AFAP1: variants seen among roughly 807,000 people sequenced by gnomAD.
AFAP1 encodes the protein actin filament-associated protein 1.
A neutral mutation model predicts 93.9 loss-of-function variants in AFAP1; 75 were observed. The observed-to-expected ratio is 0.80, with a 90% CI of 0.66 to 0.97. AFAP1 has a LOEUF of 0.97. AFAP1 is among the 50% of genes least tolerant of loss of function. The pLI is 0.00. For missense variants in AFAP1, 1,201 were observed against 1,050.8 expected (o/e 1.14, Z -1.98); for synonymous variants, 517 against 430.7 (o/e 1.20, Z -2.48).
chr4:7,913,723 C>T (rs1199991388), intron 1 of AFAP1, among the ~76,000 whole-genome samples: 1 of 152,130 alleles, frequency 6.6e-6, no homozygotes, highest in Non-Finnish European at 1.5e-5. Flanking sequence ...TAAAGCAAGC[C>T]TAAAGTTTTA....
In AFAP1 at chr4:7,778,855, CG is replaced by C; in HGVS notation, c.1803del (p.Val602TrpfsTer13). On this transcript the variant is annotated frameshift_variant, in exon 14 of 18. Coordinates refer to ENST00000420658, the MANE Select transcript of AFAP1 (RefSeq NM_001134647.2). LOFTEE classifies it high-confidence loss of function. ...TTTCCTGTGACCCCATTAGACGCCA[CG>C]GGGGGCTTTTTACCCTTGAGCTGTT... ...LNSQLKGKKP[P>X]VASNGVTGKG... is the part of the protein sequence containing the mutation. 1 of 1,613,544 alleles carries C rather than the reference CG, an allele frequency of 6.2e-7. No homozygotes were observed. Among genetic ancestry groups the C allele is most frequent in the Non-Finnish European group, 8.5e-7 (1 of 1,179,658 alleles).
At chr4:7,824,447 ACAGT>A (rs1357727179) in intron 6 of AFAP1, among the ~76,000 whole-genome samples, 12 of 152,098 alleles carry the variant, frequency 7.9e-5, no homozygotes, top group African/African-American at 2.9e-4. Flanking sequence ...ACACACAGAG[ACAGT>A]CAGTTAATTC....
intron 3 of AFAP1, among the ~76,000 whole-genome samples, chr4:7,867,106 T>C (rs552053246): frequency 1.4e-4 from 4 of 28,070 alleles, no homozygotes; most frequent in East Asian, 1.6e-3. Flanking sequence ...GAGAGGGGAG[T>C]AGAGGGGAGG....
chr4:7,790,731 A>G (rs16841268), intron 11 of AFAP1, among the ~76,000 whole-genome samples: 17,461 of 151,808 alleles, frequency 0.12, 1,226 homozygotes, highest in East Asian at 0.28. Flanking sequence ...TAATTTACCT[A>G]TATTTTGCTG....
intron 11 of AFAP1, among the ~76,000 whole-genome samples, chr4:7,792,972 A>G (rs947572885): frequency 6.6e-6 from 1 of 152,228 alleles, no homozygotes; most frequent in African/African-American, 2.4e-5. Flanking sequence ...ATGTCCCAAC[A>G]GTGGAAAAAG....
intron 1 of AFAP1, among the ~76,000 whole-genome samples, chr4:7,936,542 T>C (rs973135011): frequency 2.0e-5 from 3 of 151,358 alleles, no homozygotes; most frequent in African/African-American, 7.3e-5. Flanking sequence ...AGCTCCTCTA[T>C]AGGTCATTCA....
chr4:7,805,590 A>G lies in AFAP1; in HGVS notation c.1054+4024T>C, dbSNP rs151027195. On this transcript the variant is annotated intron_variant, in intron 9 of 17. Coordinates refer to ENST00000420658, the MANE Select transcript of AFAP1 (RefSeq NM_001134647.2). ...TTCATGTATTTTATCCTCAGTTTTT[A>G]TGAAAACAAAGGAATTGAAGTATTG... Among the ~76,000 whole-genome samples, 13 of 152,372 alleles carry G rather than the reference A, an allele frequency of 8.5e-5. No homozygotes were observed. In the South Asian group the frequency reaches 2.5e-3, roughly 29 times the overall value.
intron 4 of AFAP1, among the ~76,000 whole-genome samples, chr4:7,844,374 C>T (rs1436790644): frequency 6.6e-6 from 1 of 152,134 alleles, no homozygotes; most frequent in East Asian, 1.9e-4. Flanking sequence ...CTCGCCAGAA[C>T]CCAACCGTGC....
intron 3 of AFAP1, among the ~76,000 whole-genome samples, chr4:7,866,008 T>C (rs1013328730): frequency 1.3e-5 from 2 of 152,184 alleles, no homozygotes; most frequent in African/African-American, 4.8e-5. Flanking sequence ...GCGATTCTCC[T>C]GCCTCAGCCT....
At chr4:7,897,690 G>C (rs887852665) in intron 1 of AFAP1, among the ~76,000 whole-genome samples, 3 of 151,890 alleles carry the variant, frequency 2.0e-5, no homozygotes, top group Non-Finnish European at 2.9e-5. Flanking sequence ...CATCTGACTA[G>C]TTTTTGTATT....
chr4:7,870,247 T>G lies in AFAP1; in HGVS notation c.128-1528A>C, dbSNP rs960612497. ...GGCAGTTTAACTTTGAAGTTCATAC[T>G]CATAACCACCTATGATAAAGGGCCT... On this transcript the variant is annotated intron_variant, in intron 2 of 17. Coordinates refer to ENST00000420658, the MANE Select transcript of AFAP1 (RefSeq NM_001134647.2). Among the ~76,000 whole-genome samples, 3 of 152,194 alleles carry G rather than the reference T, an allele frequency of 2.0e-5. 1 individual carries two copies. Among genetic ancestry groups the G allele is most frequent in the Non-Finnish European group, 2.9e-5 (2 of 68,044 alleles).
intron 7 of AFAP1, among the ~76,000 whole-genome samples, chr4:7,816,983 C>G (rs1466815505): frequency 1.3e-5 from 2 of 152,220 alleles, no homozygotes; most frequent in Non-Finnish European, 2.9e-5. Flanking sequence ...ACACCAGGAA[C>G]AGCTGGGGGA....
At chr4:7,832,731 A>C (rs1436249412) in intron 6 of AFAP1, among the ~76,000 whole-genome samples, 3 of 151,986 alleles carry the variant, frequency 2.0e-5, no homozygotes, top group East Asian at 3.9e-4. Flanking sequence ...CAAACAAAGG[A>C]AGGCATCACA....
At chr4:7,910,217 C>G (rs1719649942) in intron 1 of AFAP1, among the ~76,000 whole-genome samples, 1 of 152,186 alleles carries the variant, frequency 6.6e-6, no homozygotes, top group South Asian at 2.1e-4. Context: ...TTCACATCCA[C>G]TGTCCTAACA....
In AFAP1 at chr4:7,759,466, T is replaced by C. The variant is rs1463798187; in HGVS notation, c.*4299A>G. ...ATAGAGGTGACTGCTTTTTCTGCAG[T>C]GCTGTGCCACGTATTTACGGCAGGA... On this transcript the variant is annotated 3_prime_UTR_variant, in exon 18 of 18. Transcript: ENST00000420658. 1 of 152,674 alleles carries C rather than the reference T, an allele frequency of 6.5e-6. No homozygotes were observed. Among genetic ancestry groups the C allele is most frequent in the Non-Finnish European group, 1.5e-5 (1 of 68,050 alleles). 9.5% of individuals were successfully genotyped at this position (152,674 alleles called of 1,614,324 possible).
At chr4:7,868,752 T>C in intron 2 of AFAP1, 33 bp from the exon 3 acceptor site, 1 of 1,595,328 alleles carries the variant, frequency 6.3e-7, no homozygotes. Context: ...CAGAACTGGA[T>C]GAGGATGGGG....
chr4:7,815,749 G>A (rs1720412130), intron 8 of AFAP1, among the ~76,000 whole-genome samples: 1 of 152,184 alleles, frequency 6.6e-6, no homozygotes, highest in South Asian at 2.1e-4. Context: ...TGAGTCATAA[G>A]TTCAAAACAT....
intron 6 of AFAP1, among the ~76,000 whole-genome samples, chr4:7,821,242 G>A (rs1302378733): frequency 6.6e-6 from 1 of 152,202 alleles, no homozygotes; most frequent in Non-Finnish European, 1.5e-5. Flanking sequence ...CTGTCTTGCA[G>A]GACTATGGTT....
intron 16 of AFAP1, 158 bp downstream of exon 16, chr4:7,772,662 A>C (rs1715595423): frequency 4.6e-6 from 3 of 647,938 alleles, no homozygotes; most frequent in Non-Finnish European, 7.7e-6. Context: ...GGCCGATGAA[A>C]GTGTCTGATG....
Sources: gnomAD v4.1 joint callset for allele counts (sites outside exome capture counted in the v4.1 genomes callset) on GRCh38, gnomAD v4.1.1 for gene constraint, MANE v1.5 for transcripts, NCBI Gene and HGNC (gene_info 2026-07-23, HGNC 2026-07-21) for gene names.